Variants in RB1CC1 observed in about 807,000 individuals in gnomAD.
The protein encoded by RB1CC1 is RB1 inducible coiled-coil 1.
Under a neutral mutation model 177.5 loss-of-function variants are expected in RB1CC1, and 46 were observed. The ratio of observed to expected loss-of-function variants is 0.26; its 90% confidence interval spans 0.20 to 0.33. RB1CC1 has a LOEUF of 0.33. Ranked by LOEUF, RB1CC1 falls within the 10% of genes least tolerant of loss-of-function variation. RB1CC1 has a pLI of 1.00. For synonymous variants in RB1CC1, 666 were observed against 613.6 expected (o/e 1.09, Z -1.26); for missense variants, 1,703 against 1,816.3 (o/e 0.94, Z 1.13).
chr8:52,696,067 G>A (rs1855378015), intron 1 of RB1CC1, among the ~76,000 whole-genome samples: 1 of 152,088 alleles, frequency 6.6e-6, no homozygotes, highest in Non-Finnish European at 1.5e-5. Context: ...TTTTTCAGAC[G>A]GAGTCTTGCT....
chr8:52,711,074 C>G (rs1268355180), intron 1 of RB1CC1, among the ~76,000 whole-genome samples: 2 of 151,044 alleles, frequency 1.3e-5, no homozygotes, highest in Non-Finnish European at 2.9e-5. Flanking sequence ...TATGAGAGTT[C>G]AAAAGAGCAA....
At chr8:52,630,895 C>A (rs925901974) in intron 20 of RB1CC1, among the ~76,000 whole-genome samples, 2 of 152,104 alleles carry the variant, frequency 1.3e-5, no homozygotes. Flanking sequence ...CCAAAAGAAA[C>A]CCACACTTAG....
In RB1CC1 at chr8:52,628,747, G is replaced by A. The variant is rs552351312; in HGVS notation, c.4500-579C>T. Among the ~76,000 whole-genome samples the A allele has an allele frequency of 2.0e-5, 3 of 147,734 alleles. 1 individual carries two copies. The South Asian group carries it at 6.6e-4, about 33-fold the overall frequency. Reference sequence around the variant, plus strand: ...ACAACCAATTACATGCTTAAGTGGTGTTTGTCTCTTTACAGCCTTTTTCAG... The same window carrying A: ...ACAACCAATTACATGCTTAAGTGGTATTTGTCTCTTTACAGCCTTTTTCAG... On this transcript the variant is annotated intron_variant, in intron 21 of 23. Transcript: ENST00000025008.
intron 15 of RB1CC1, among the ~76,000 whole-genome samples, chr8:52,649,656 A>G (rs1273548636): frequency 6.6e-6 from 1 of 152,160 alleles, no homozygotes; most frequent in Non-Finnish European, 1.5e-5. Flanking sequence ...TAAAATAAAA[A>G]TCTCTTTTGA....
Position 52,647,739 on chromosome 8 carries a change from T to C in RB1CC1, c.3822-1872A>G, listed in dbSNP as rs760999869. 4.6e-5 allele frequency among the ~76,000 whole-genome samples: 7 copies of C among 152,236 alleles called. No homozygotes were observed. The South Asian group carries it at 6.2e-4, about 14-fold the overall frequency. On this transcript the variant is annotated intron_variant, in intron 15 of 23. Transcript: ENST00000025008. The stretch of plus-strand genomic sequence containing the variant: ...TGAGGTTGGAGATGTGAAGGACAGA[T>C]AGTGAACAGTAAAGGTTATGAATTT...
At chr8:52,674,719 G>A (rs1429828986) in intron 6 of RB1CC1, among the ~76,000 whole-genome samples, 1 of 150,176 alleles carries the variant, frequency 6.7e-6, no homozygotes, top group African/African-American at 2.5e-5. Context: ...AGTGAGCTGA[G>A]ATGGTGCCAC....
chr8:52,660,669 A>C lies in RB1CC1; in HGVS notation c.1628-12T>G. 1.3e-6 allele frequency: 2 copies of C among 1,584,756 alleles called. No homozygotes were observed. Among genetic ancestry groups the C allele is most frequent in the Non-Finnish European group, 1.7e-6 (2 of 1,167,724 alleles). On this transcript the variant is annotated splice_polypyrimidine_tract_variant and intron_variant, in intron 11 of 23. Coordinates refer to ENST00000025008, the MANE Select transcript of RB1CC1 (RefSeq NM_014781.5). The stretch of plus-strand genomic sequence containing the variant: ...TAAAAAAGACTTCCCTGTATAAAGA[A>C]ATTAACAATATGGTTATTTTAGAGC...
At chr8:52,698,597 C>T (rs550864637) in intron 1 of RB1CC1, among the ~76,000 whole-genome samples, 1 of 149,400 alleles carries the variant, frequency 6.7e-6, no homozygotes, top group Admixed American at 6.7e-5. Flanking sequence ...CAGGTGTGAG[C>T]CACTGCGCCT....
rs574480522 is a variant in RB1CC1, at chr8:52,657,283, T to C, written c.2546A>G (p.Glu849Gly). Residue 849 changes from glutamate to glycine, a missense_variant, in exon 15 of 24, where the codon GAA (glutamate) becomes GGA (glycine). Coordinates refer to ENST00000025008, the MANE Select transcript of RB1CC1 (RefSeq NM_014781.5). ...CTAVEIRNIIEKVKCSLEITL... is the reference protein window; with the variant it reads ...CTAVEIRNIIGKVKCSLEITL... ...TATTTCCAGAGAACATTTTACTTTT[T>C]CAATAATGTTTCTTATTTCTACTGC... 1.9e-6 allele frequency: 3 copies of C among 1,606,036 alleles called. No individual in the cohort carries two copies. In the East Asian group the frequency reaches 6.7e-5, roughly 36 times the overall value.
rs1274455956 is a variant in RB1CC1 at position 52,657,438 on chromosome 8, C to A, written c.2391G>T (p.Gln797His). The A allele has an allele frequency of 6.2e-7, 1 of 1,613,758 alleles. No homozygotes were observed. Among genetic ancestry groups the A allele is most frequent in the Non-Finnish European group, 8.5e-7 (1 of 1,179,990 alleles). The change falls in exon 15 of 24, where the codon CAG becomes CAT. Residue 797 changes from glutamine (Q) to histidine (H), a missense_variant. This residue lies in a region of RB1CC1 where 1,169 missense variants were observed against 1,184.7 expected (regional missense o/e 0.99). Coordinates refer to ENST00000025008, the MANE Select transcript of RB1CC1 (RefSeq NM_014781.5). ...GGGCAACAACTCTACATCTTTCCAA[C>A]TGGACATTCAGAGAAGTATGATCTC... ...DFGDHTSLNV[Q>H]LERCRVVAQD...
Position 52,642,386 on chromosome 8 carries a change from C to T in RB1CC1, c.4302G>A (p.Val1434=), listed in dbSNP as rs1431971230. ...TCATGCTTGTCTCCATTGCTGAATCCACTCTTCCTTCATCTGCTGTTTCCA... is the reference window on the plus strand; with the variant it reads ...TCATGCTTGTCTCCATTGCTGAATCTACTCTTCCTTCATCTGCTGTTTCCA... ...SAVETADEGR[V]DSAMETSMMS... Residue 1434 remains valine, a synonymous_variant, in exon 18 of 24, where the codon GTG becomes GTA. Coordinates refer to ENST00000025008, the MANE Select transcript of RB1CC1 (RefSeq NM_014781.5). 2 of 1,613,920 alleles carry T rather than the reference C, an allele frequency of 1.2e-6. No individual in the cohort carries two copies. Among genetic ancestry groups the T allele is most frequent in the Non-Finnish European group, 1.7e-6 (2 of 1,179,960 alleles).
At position 52,668,171 on chromosome 8, in the gene RB1CC1, T is replaced by C; in HGVS notation, c.1023A>G (p.Arg341=). Residue 341 remains arginine (R), a synonymous_variant, in exon 8 of 24, where the codon CGA becomes CGG. Transcript: ENST00000025008. ...SMSRLDPRII[R]PFIAECRQTI... ...TTTGACGGCATTCTGCTATAAATGG[T>C]CGAATAATCCTTGGATCAAGCTAAA... 1 of 1,613,722 alleles carries C rather than the reference T, an allele frequency of 6.2e-7. No individual in the cohort carries two copies. The highest frequency in any genetic ancestry group is 8.5e-7 in the Non-Finnish European group (1 of 1,179,918).
At position 52,642,460 on chromosome 8, in the gene RB1CC1, A is replaced by G. The variant is rs914175078; in HGVS notation, c.4228T>C (p.Tyr1410His). The change falls in exon 18 of 24, where the codon TAT becomes CAT. Residue 1410 changes from tyrosine to histidine, a missense_variant. Transcript: ENST00000025008. ...SPYVATAPEL[Y>H]GACAPELPGE... ...GGGAGTTCAGGTGCACAAGCTCCAT[A>G]AAGTTCTGGGGCTGTAGCTACATAT... 1.2e-6 allele frequency: 2 copies of G among 1,613,988 alleles called. No homozygotes were observed. The highest frequency in any genetic ancestry group is 1.3e-5 in the African/African-American group (1 of 74,912).
intron 5 of RB1CC1, among the ~76,000 whole-genome samples, chr8:52,681,621 C>T (rs1197753293): frequency 6.6e-6 from 1 of 152,082 alleles, no homozygotes; most frequent in Non-Finnish European, 1.5e-5. Context: ...GGCATGGTGG[C>T]TCAATGTATT....
chr8:52,642,928 G>T, intron 16 of RB1CC1, 116 bp from the exon 17 acceptor site: 2 of 1,109,262 alleles, frequency 1.8e-6, no homozygotes, highest in Non-Finnish European at 2.4e-6. Flanking sequence ...AGATGATGGG[G>T]TATGATTCAT....
intron 15 of RB1CC1, among the ~76,000 whole-genome samples, chr8:52,652,501 A>G (rs143094301): frequency 1.6e-3 from 237 of 151,784 alleles, no homozygotes; most frequent in African/African-American, 5.6e-3. Context: ...GCCACCATGT[A>G]ATGAGGTTAT....
At chr8:52,640,989 C>T (rs1238053015) in intron 18 of RB1CC1, among the ~76,000 whole-genome samples, 1 of 152,082 alleles carries the variant, frequency 6.6e-6, no homozygotes, top group Admixed American at 6.5e-5. Flanking sequence ...TATGAAGATG[C>T]AACTAACTGC....
chr8:52,656,018 T>A lies in RB1CC1; in HGVS notation c.3811A>T (p.Ile1271Leu), dbSNP rs1275939160. 3 of 1,601,708 alleles carry A rather than the reference T, an allele frequency of 1.9e-6. No homozygotes were observed. The highest frequency in any genetic ancestry group is 2.6e-6 in the Non-Finnish European group (3 of 1,172,388). ...AAACTTAATTCTTACCTTTTTGCTA[T>A]TTGATTCTCAAGATGTTTAACTTTT... ...LEKVKHLENQ[I>L]AKSPAIDSTR... The change falls in exon 15 of 24, where the codon ATA becomes TTA. Residue 1271 changes from isoleucine to leucine, a missense_variant. By Grantham distance (5) the Ile-to-Leu change is conservative (BLOSUM62 2). This residue lies in a region of RB1CC1 where 1,169 missense variants were observed against 1,184.7 expected (regional missense o/e 0.99). Coordinates refer to ENST00000025008, the MANE Select transcript of RB1CC1 (RefSeq NM_014781.5).
At position 52,699,592 on chromosome 8, in the gene RB1CC1, T is replaced by C. The variant is rs182146164; in HGVS notation, c.-166-12625A>G. On this transcript the variant is annotated intron_variant, in intron 1 of 23. Coordinates refer to ENST00000025008, the MANE Select transcript of RB1CC1 (RefSeq NM_014781.5). The stretch of plus-strand genomic sequence containing the variant: ...GGAAGGGAAAGGCAGGTGGATCACT[T>C]GAGGTCAGGAGTTCAAGACCAGCCT... 6.8e-3 allele frequency among the ~76,000 whole-genome samples: 1,020 copies of C among 149,950 alleles called. 9 individuals are homozygous for C. Among genetic ancestry groups the C allele is most frequent in the Non-Finnish European group, 0.012 (814 of 67,640 alleles).
Sources: allele counts gnomAD v4.1 joint callset (sites outside exome capture counted in the v4.1 genomes callset), GRCh38; gene constraint gnomAD v4.1.1; regional missense constraint gnomAD v4.1.1; transcripts MANE v1.5; gene names NCBI Gene and HGNC (gene_info 2026-07-23, HGNC 2026-07-21).